Variants in PTPRN2 observed in about 807,000 individuals in gnomAD.
PTPRN2 encodes protein tyrosine phosphatase receptor type N2, also known as receptor-type tyrosine-protein phosphatase N2.
PTPRN2 carries 74 observed loss-of-function variants against 118.8 expected under a neutral mutation model. That is an observed-to-expected ratio of 0.62 (90% CI 0.52 to 0.76). PTPRN2 has a LOEUF of 0.76. Ranked by LOEUF, PTPRN2 falls within the 30% of genes least tolerant of loss-of-function variation. PTPRN2 has a pLI of 0.00. For missense variants in PTPRN2, 1,481 were observed against 1,394.4 expected (o/e 1.06, Z -0.99); for synonymous variants, 641 against 608.0 (o/e 1.05, Z -0.80).
At chr7:158,447,929 C>G (rs373122619) in intron 2 of PTPRN2, among the ~76,000 whole-genome samples, 1 of 152,212 alleles carries the variant, frequency 6.6e-6, no homozygotes, top group East Asian at 1.9e-4. Flanking sequence ...CCCAGCCACA[C>G]GGCACAGGGC....
intron 11 of PTPRN2, among the ~76,000 whole-genome samples, chr7:158,077,963 T>TA (rs1812504683): frequency 6.6e-6 from 1 of 152,146 alleles, no homozygotes; most frequent in Admixed American, 6.5e-5. Context: ...TGTGGTAGAG[T>TA]AAGTGCCTCC....
At chr7:158,214,326 TG>T in intron 3 of PTPRN2, among the ~76,000 whole-genome samples, 1 of 151,830 alleles carries the variant, frequency 6.6e-6, no homozygotes, top group Non-Finnish European at 1.5e-5. Flanking sequence ...GTGGATTCCC[TG>T]GGTTTTCTTT....
intron 12 of PTPRN2, among the ~76,000 whole-genome samples, chr7:157,790,801 A>G (rs1167710900): frequency 6.6e-6 from 1 of 152,224 alleles, no homozygotes; most frequent in Admixed American, 6.5e-5. Flanking sequence ...CTATAGACAA[A>G]TAGCTCCTAC....
chr7:157,814,038 T>C (rs1437194651), intron 12 of PTPRN2, among the ~76,000 whole-genome samples: 2 of 152,246 alleles, frequency 1.3e-5, no homozygotes, highest in East Asian at 3.9e-4. Flanking sequence ...TGCGAGACTG[T>C]GCCCACGCGA....
chr7:158,174,674 T>A (rs934295035), intron 5 of PTPRN2, among the ~76,000 whole-genome samples: 1 of 151,940 alleles, frequency 6.6e-6, no homozygotes, highest in Admixed American at 6.6e-5. Flanking sequence ...GAACTAGGAG[T>A]TGAGTCATAG....
intron 11 of PTPRN2, among the ~76,000 whole-genome samples, chr7:158,080,740 C>CT: frequency 1.3e-5 from 2 of 152,256 alleles, no homozygotes; most frequent in African/African-American, 4.8e-5. Context: ...AAGTACATCT[C>CT]AAAAATGTGT....
chr7:158,296,560 C>T (rs541504110), intron 3 of PTPRN2, among the ~76,000 whole-genome samples: 5 of 152,230 alleles, frequency 3.3e-5, no homozygotes, highest in East Asian at 1.9e-4. Flanking sequence ...CCACAGACGG[C>T]GAAACTAAAA....
At chr7:158,149,570 A>T (rs1023205541) in intron 6 of PTPRN2, among the ~76,000 whole-genome samples, 2 of 152,102 alleles carry the variant, frequency 1.3e-5, no homozygotes, top group South Asian at 2.1e-4. Context: ...TTGGGGTCCG[A>T]GGTGGGTGGA....
At chr7:158,103,005 A>G (rs1424741247) in intron 10 of PTPRN2, among the ~76,000 whole-genome samples, 1 of 151,982 alleles carries the variant, frequency 6.6e-6, no homozygotes, top group African/African-American at 2.4e-5. Flanking sequence ...TCCATGGGGA[A>G]CCCCTCCTTC....
intron 12 of PTPRN2, among the ~76,000 whole-genome samples, chr7:157,701,426 T>G (rs1798061254): frequency 6.6e-6 from 1 of 152,226 alleles, no homozygotes; most frequent in South Asian, 2.1e-4. Context: ...AGTATCAGTC[T>G]TTCAAAAAGA....
At chr7:158,510,720 T>C (rs1823115754) in intron 1 of PTPRN2, among the ~76,000 whole-genome samples, 1 of 152,120 alleles carries the variant, frequency 6.6e-6, no homozygotes, top group African/African-American at 2.4e-5. Context: ...CTTTAAAAAC[T>C]GAGGAAAAGA....
intron 12 of PTPRN2, among the ~76,000 whole-genome samples, chr7:157,747,756 G>A (rs1360751891): frequency 7.7e-6 from 1 of 129,790 alleles, no homozygotes; most frequent in African/African-American, 3.0e-5. Context: ...TGAGCTCTGG[G>A]CTGTCCGGGT....
intron 2 of PTPRN2, among the ~76,000 whole-genome samples, chr7:158,341,354 G>GCC (rs1236418958): frequency 1.4e-5 from 2 of 147,274 alleles, no homozygotes; most frequent in African/African-American, 5.1e-5. Context: ...CACCATAAGA[G>GCC]GTAACACATG....
At chr7:157,669,315 G>A (rs1420102997) in intron 13 of PTPRN2, among the ~76,000 whole-genome samples, 1 of 152,236 alleles carries the variant, frequency 6.6e-6, no homozygotes, top group East Asian at 1.9e-4. Flanking sequence ...TGGCCCACGT[G>A]GCCAACGCTG....
At chr7:157,606,482 A>G (rs1438626293) in intron 15 of PTPRN2, among the ~76,000 whole-genome samples, 1 of 152,250 alleles carries the variant, frequency 6.6e-6, no homozygotes, top group Non-Finnish European at 1.5e-5. Context: ...TCTGGAAGCA[A>G]CAACATCTCG....
At chr7:158,410,628 G>A (rs965148349) in intron 2 of PTPRN2, among the ~76,000 whole-genome samples, 2 of 152,220 alleles carry the variant, frequency 1.3e-5, no homozygotes, top group Non-Finnish European at 2.9e-5. Flanking sequence ...ACAAAACCAC[G>A]AGTGGCTCTT....
intron 2 of PTPRN2, among the ~76,000 whole-genome samples, chr7:158,407,123 GGTCCTGGGTCCTGC>G (rs1813518159): frequency 1.4e-5 from 2 of 147,808 alleles, no homozygotes; most frequent in African/African-American, 2.5e-5. Context: ...CTGCGTCCTG[GGTCCTGGGTCCTGC>G]GTCCTGCGTC....
chr7:158,205,271 A>C lies in PTPRN2; in HGVS notation c.280T>G (p.Phe94Val). Residue 94 changes from phenylalanine (F) to valine (V), a missense_variant and splice_region_variant, in exon 4 of 23, where the codon TTC becomes GTC. This residue lies in a region of PTPRN2 where 1,115 missense variants were observed against 994.2 expected (regional missense o/e 1.12). Transcript: ENST00000389418. The stretch of plus-strand genomic sequence containing the variant: ...TGAGTATAGTCATCCTGCCACGTGA[A>C]ACCTGTGGACAAAAATTGCAAAAAT... ...VALQKLSGTGFTWQDDYTQYV... is the reference protein window; with the variant it reads ...VALQKLSGTGVTWQDDYTQYV... 1 of 1,613,000 alleles carries C rather than the reference A, an allele frequency of 6.2e-7. No homozygotes were observed. Among genetic ancestry groups the C allele is most frequent in the Non-Finnish European group, 8.5e-7 (1 of 1,179,630 alleles).
intron 2 of PTPRN2, among the ~76,000 whole-genome samples, chr7:158,340,501 G>A (rs1410118555): frequency 8.3e-6 from 1 of 120,180 alleles, no homozygotes. Flanking sequence ...GACACCTGCA[G>A]ACGTCACTCA....
Sources: allele counts gnomAD v4.1 joint callset (sites outside exome capture counted in the v4.1 genomes callset), GRCh38; gene constraint gnomAD v4.1.1; regional missense constraint gnomAD v4.1.1; transcripts MANE v1.5; gene names NCBI Gene and HGNC (gene_info 2026-07-23, HGNC 2026-07-21).